Variants in BMP6 observed in about 807,000 individuals in gnomAD.
BMP6 encodes bone morphogenetic protein 6, also known as VG-1-R.
In BMP6, 17 loss-of-function variants were observed where a neutral mutation model predicts 54.1. The ratio of observed to expected loss-of-function variants is 0.31; its 90% CI spans 0.22 to 0.47. BMP6 has a LOEUF of 0.47. Among genes scored for constraint, BMP6 ranks in the 20% least tolerant of loss-of-function variants. The pLI is 1.00. For synonymous variants in BMP6, 328 were observed against 291.2 expected (o/e 1.13, Z -1.28); for missense variants, 720 against 690.4 (o/e 1.04, Z -0.48).
intron 1 of BMP6, among the ~76,000 whole-genome samples, chr6:7,825,127 G>A (rs982686958): frequency 7.2e-5 from 11 of 152,118 alleles, no homozygotes; most frequent in African/African-American, 9.7e-5. Context: ...GACCAGTCTC[G>A]GCAACATTGT....
At chr6:7,789,251 T>G (rs1758061044) in intron 1 of BMP6, among the ~76,000 whole-genome samples, 1 of 152,174 alleles carries the variant, frequency 6.6e-6, no homozygotes, top group African/African-American at 2.4e-5. Context: ...GAGAACTGAA[T>G]GAGCAATCTC....
intron 1 of BMP6, among the ~76,000 whole-genome samples, chr6:7,754,855 T>C (rs1581233760): frequency 6.6e-6 from 1 of 152,026 alleles, no homozygotes; most frequent in Admixed American, 6.6e-5. Flanking sequence ...GTAGCTGGGA[T>C]TACAGGCACT....
intron 1 of BMP6, among the ~76,000 whole-genome samples, chr6:7,766,293 A>G (rs1276713276): frequency 6.6e-6 from 1 of 152,304 alleles, no homozygotes; most frequent in East Asian, 1.9e-4. Context: ...TCTACCTCTA[A>G]TAATGAGCTA....
At chr6:7,728,820 G>C (rs1306714902) in intron 1 of BMP6, among the ~76,000 whole-genome samples, 3 of 152,186 alleles carry the variant, frequency 2.0e-5, no homozygotes, top group African/African-American at 7.2e-5. Flanking sequence ...GGGTCTCCCA[G>C]CCACGTCAAA....
intron 1 of BMP6, among the ~76,000 whole-genome samples, chr6:7,811,594 C>T (rs927004190): frequency 2.0e-5 from 3 of 152,166 alleles, no homozygotes; most frequent in African/African-American, 7.2e-5. Flanking sequence ...GAAGCACTTT[C>T]CGTTCTGAAA....
rs142781273 is a variant in BMP6 at position 7,734,940 on chromosome 6, G to A, written c.664+7321G>A. Among the ~76,000 whole-genome samples, 956 of 152,330 alleles carry A rather than the reference G, an allele frequency of 6.3e-3. 12 individuals carry two copies. Among genetic ancestry groups the A allele is most frequent in the African/African-American group, 0.022 (918 of 41,576 alleles). On this transcript the variant is annotated intron_variant, in intron 1 of 6. Coordinates refer to ENST00000283147, the MANE Select transcript of BMP6 (RefSeq NM_001718.6). ...CTGACTTTCAGATTTATAGGCATACGCCCTTGATGACTGATCCTCCTGCTG... is the reference window on the plus strand; with the variant it reads ...CTGACTTTCAGATTTATAGGCATACACCCTTGATGACTGATCCTCCTGCTG...
chr6:7,847,013 AAT>A, intron 2 of BMP6, among the ~76,000 whole-genome samples: 1 of 152,296 alleles, frequency 6.6e-6, no homozygotes, highest in East Asian at 1.9e-4. Flanking sequence ...CATTTAAAAA[AAT>A]TGTTATTTGT....
At chr6:7,866,311 A>G (rs1387704145) in intron 4 of BMP6, among the ~76,000 whole-genome samples, 1 of 152,192 alleles carries the variant, frequency 6.6e-6, no homozygotes, top group Non-Finnish European at 1.5e-5. Context: ...CAATCTACCA[A>G]TTCTTTTTCA....
intron 1 of BMP6, among the ~76,000 whole-genome samples, chr6:7,833,413 C>CTA (rs1221435831): frequency 6.6e-6 from 1 of 152,088 alleles, no homozygotes; most frequent in East Asian, 1.9e-4. Context: ...GTAGACAGAG[C>CTA]TAGAGACAGA....
At chr6:7,836,644 A>G (rs1758881509) in intron 1 of BMP6, among the ~76,000 whole-genome samples, 1 of 152,228 alleles carries the variant, frequency 6.6e-6, no homozygotes, top group Non-Finnish European at 1.5e-5. Context: ...AACACAAAAT[A>G]AAGTTTAAAA....
At position 7,880,801 on chromosome 6, in the gene BMP6, TGGG is replaced by T. The variant is rs1218829734; in HGVS notation, c.*462_*464del. The T allele has an allele frequency of 1.6e-5, 3 of 188,202 alleles. No individual in the cohort carries two copies. The highest frequency in any genetic ancestry group is 1.2e-4 in the South Asian group (1 of 8,650). The allele number at this position is 188,202 out of a possible 1,614,324, so 11.7% of individuals were successfully genotyped here. A position where few individuals can be genotyped will look rare whatever the true frequency, so the allele number is the denominator to read the frequency against. On this transcript the variant is annotated 3_prime_UTR_variant, in exon 7 of 7. Transcript: ENST00000283147. Reference sequence around the variant, plus strand: ...TTACAGAGAACAGAAATCGGGGAAGTGGGGGGAACGCCTCTGTTCAGTTCATTC... The same window carrying T: ...TTACAGAGAACAGAAATCGGGGAAGTGGGAACGCCTCTGTTCAGTTCATTC...
At chr6:7,808,167 A>G (rs544124435) in intron 1 of BMP6, among the ~76,000 whole-genome samples, 113 of 151,858 alleles carry the variant, frequency 7.4e-4, no homozygotes, top group Non-Finnish European at 1.1e-3. Context: ...TGATCTGCCC[A>G]CCTCGGCCTC....
chr6:7,824,738 G>C (rs1392013093), intron 1 of BMP6, among the ~76,000 whole-genome samples: 2 of 152,196 alleles, frequency 1.3e-5, no homozygotes, highest in African/African-American at 4.8e-5. Flanking sequence ...TGCATTTGGT[G>C]ATTTGTGGTT....
chr6:7,797,199 G>A (rs969124217), intron 1 of BMP6, among the ~76,000 whole-genome samples: 5 of 152,116 alleles, frequency 3.3e-5, no homozygotes, highest in African/African-American at 7.2e-5. Flanking sequence ...GAGATGACAC[G>A]CTGGAAATTT....
At chr6:7,871,305 T>C (rs1023933798) in intron 4 of BMP6, among the ~76,000 whole-genome samples, 1 of 152,236 alleles carries the variant, frequency 6.6e-6, no homozygotes, top group African/African-American at 2.4e-5. Flanking sequence ...GGAAGCAGTT[T>C]ATTAAATGGG....
chr6:7,814,660 C>G (rs533427145), intron 1 of BMP6, among the ~76,000 whole-genome samples: 1 of 152,280 alleles, frequency 6.6e-6, no homozygotes, highest in South Asian at 2.1e-4. Flanking sequence ...ATGTGAGGGT[C>G]AGGAGGCCAA....
chr6:7,802,372 C>T (rs1174965275), intron 1 of BMP6, among the ~76,000 whole-genome samples: 2 of 152,156 alleles, frequency 1.3e-5, no homozygotes, highest in Non-Finnish European at 2.9e-5. Context: ...GGTATGATCC[C>T]TCACCTCTCC....
At chr6:7,879,045 T>C in intron 4 of BMP6, 29 bp from the exon 5 acceptor site, 3 of 1,598,984 alleles carry the variant, frequency 1.9e-6, no homozygotes, top group Non-Finnish European at 1.7e-6. Flanking sequence ...CATCTTTTGA[T>C]GGGTGCATCT....
chr6:7,762,432 G>A (rs1367129058), intron 1 of BMP6, among the ~76,000 whole-genome samples: 1 of 152,202 alleles, frequency 6.6e-6, no homozygotes, highest in Admixed American at 6.5e-5. Context: ...TTTCGCAGTA[G>A]TCCTGGGCAC....
Sources: allele counts gnomAD v4.1 joint callset (sites outside exome capture counted in the v4.1 genomes callset), GRCh38; gene constraint gnomAD v4.1.1; transcripts MANE v1.5; gene names NCBI Gene and HGNC (gene_info 2026-07-23, HGNC 2026-07-21).